KNTC1: variants seen among roughly 807,000 people sequenced by gnomAD.
The protein encoded by KNTC1 is kinetochore-associated protein 1.
A neutral mutation model predicts 314.4 loss-of-function variants in KNTC1; 253 were observed. The ratio of observed to expected loss-of-function variants is 0.80; its 90% CI spans 0.73 to 0.89. KNTC1 has a LOEUF of 0.89. Among genes scored for constraint, KNTC1 ranks in the 40% least tolerant of loss-of-function variants. The pLI, the probability that KNTC1 is intolerant of heterozygous loss-of-function variation, is 0.00. For missense variants in KNTC1, 2,475 were observed against 2,572.9 expected, an observed-to-expected ratio of 0.96 and a Z score of 0.82; for synonymous variants, 901 against 901.4, an observed-to-expected ratio of 1.00 and a Z score of 0.01.
At chr12:122,609,780 C>T (rs944826674) in intron 52 of KNTC1, among the ~76,000 whole-genome samples, 1 of 152,108 alleles carries the variant, frequency 6.6e-6, no homozygotes, top group African/African-American at 2.4e-5. Context: ...AGATATGGGC[C>T]ACCAGATTCT....
chr12:122,562,739 G>C, intron 20 of KNTC1, 40 bp downstream of exon 20: 1 of 1,215,978 alleles, frequency 8.2e-7, no homozygotes, highest in Non-Finnish European at 1.2e-6. Flanking sequence ...GCCAGGCATG[G>C]TGTCTCACGC....
chr12:122,575,569 C>A lies in KNTC1; in HGVS notation c.2409C>A (p.Ile803=), dbSNP rs764591565. Residue 803 remains isoleucine (I), a synonymous_variant, in exon 28 of 64, where the codon ATC becomes ATA. Coordinates refer to ENST00000333479, the MANE Select transcript of KNTC1 (RefSeq NM_014708.6). ...TDLIFDAVLK[I]MYAAVVPWSA... is the part of the protein sequence containing the mutation. ...TCATATTTGATGCCGTGCTCAAGATCATGTATGCGGCAGTGGTTCCTTGGA... is the reference window on the plus strand; with the variant it reads ...TCATATTTGATGCCGTGCTCAAGATAATGTATGCGGCAGTGGTTCCTTGGA... The A allele has an allele frequency of 1.4e-5, 23 of 1,595,336 alleles. No individual in the cohort carries two copies. The highest frequency in any genetic ancestry group is 2.0e-5 in the Non-Finnish European group (23 of 1,170,614).
At chr12:122,540,418 C>T (rs1156792498) in intron 5 of KNTC1, among the ~76,000 whole-genome samples, 1 of 151,842 alleles carries the variant, frequency 6.6e-6, no homozygotes. Flanking sequence ...GTGATCTGCC[C>T]GCCTCAGGTG....
chr12:122,618,421 G>T lies in KNTC1; in HGVS notation c.6085+24G>T, dbSNP rs145699814. ...AGGTATTTCGCTCTCTGAAACATTG[G>T]CTACAGCATTTTATAGTTGAGTGTG... On this transcript the variant is annotated intron_variant, in intron 58 of 63. Coordinates refer to ENST00000333479, the MANE Select transcript of KNTC1 (RefSeq NM_014708.6). 1.5e-3 allele frequency: 2,489 copies of T among 1,613,268 alleles called. 32 individuals carry two copies. In the African/African-American group the frequency reaches 0.029, roughly 19 times the overall value.
chr12:122,548,696 G>T (rs911674909), intron 12 of KNTC1, among the ~76,000 whole-genome samples: 1 of 152,024 alleles, frequency 6.6e-6, no homozygotes, highest in African/African-American at 2.4e-5. Context: ...AGCTGGGTGC[G>T]TTGGCTCACA....
At chr12:122,592,367 G>A (rs1359504472) in intron 42 of KNTC1, among the ~76,000 whole-genome samples, 2 of 152,206 alleles carry the variant, frequency 1.3e-5, no homozygotes, top group Non-Finnish European at 2.9e-5. Context: ...CATGCTCCAC[G>A]GCGCCCAGTC....
At position 122,594,374 on chromosome 12, in the gene KNTC1, G is replaced by A. The variant is rs1234445758; in HGVS notation, c.4344G>A (p.Leu1448=). Residue 1448 remains leucine (L), a synonymous_variant, in exon 43 of 64, where the codon TTG becomes TTA. Transcript: ENST00000333479. ...TAGATATGGACACAAGCCTCATTTT[G>A]GAATATTGCAGGTAATTCTTTAAAC... is the stretch of plus-strand genomic sequence containing the variant. ...ENIDMDTSLI[L]EYCSTFQLDC... is the part of the protein sequence containing the mutation. 2.6e-6 allele frequency: 4 copies of A among 1,563,546 alleles called. No homozygotes were observed. In the South Asian group the frequency reaches 3.4e-5, roughly 13 times the overall value.
At chr12:122,574,936 A>G (rs1157278962) in intron 27 of KNTC1, among the ~76,000 whole-genome samples, 4 of 152,208 alleles carry the variant, frequency 2.6e-5, no homozygotes, top group Non-Finnish European at 4.4e-5. Flanking sequence ...CCACTATAAA[A>G]TAGAAATAAA....
chr12:122,570,550 A>T (rs1330503550), intron 22 of KNTC1, among the ~76,000 whole-genome samples: 1 of 151,882 alleles, frequency 6.6e-6, no homozygotes, highest in East Asian at 1.9e-4. Flanking sequence ...ATACTATTTG[A>T]TTATACAAGA....
In KNTC1 at chr12:122,584,458, T is replaced by C; in HGVS notation, c.3436+8T>C. 6.3e-7 allele frequency: 1 copy of C among 1,586,874 alleles called. No individual in the cohort carries two copies. Among genetic ancestry groups the C allele is most frequent in the African/African-American group, 1.4e-5 (1 of 74,024 alleles). On this transcript the variant is annotated splice_region_variant and intron_variant, in intron 35 of 63. Coordinates refer to ENST00000333479, the MANE Select transcript of KNTC1 (RefSeq NM_014708.6). The stretch of plus-strand genomic sequence containing the variant: ...CCACCATTTGCAGTCCAGGTGACAA[T>C]ATTTATAATATACGTAGTTTTATAT...
At position 122,534,687 on chromosome 12, in the gene KNTC1, G is replaced by T; in HGVS notation, c.153G>T (p.Gln51His). ...SEKASLNPKI[Q>H]ACSLSDGFII... ...AGGCCTCATTAAATCCAAAGATACA[G>T]GCATGCAGCTTAAGTGATGGGTTTA... The change falls in exon 3 of 64, where the codon CAG becomes CAT. Residue 51 changes from glutamine (Q) to histidine (H), a missense_variant. Transcript: ENST00000333479. 1 of 1,609,864 alleles carries T rather than the reference G, an allele frequency of 6.2e-7. No homozygotes were observed. The highest frequency in any genetic ancestry group is 1.1e-5 in the South Asian group (1 of 90,474).
chr12:122,583,494 G>A (rs1868742503), intron 34 of KNTC1, among the ~76,000 whole-genome samples: 1 of 152,152 alleles, frequency 6.6e-6, no homozygotes, highest in Non-Finnish European at 1.5e-5. Context: ...TTAGGTTACT[G>A]TGCACTTCAG....
At chr12:122,568,504 G>A (rs1964485752) in intron 21 of KNTC1, 132 bp downstream of exon 21, 6 of 717,546 alleles carry the variant, frequency 8.4e-6, no homozygotes, top group Non-Finnish European at 1.5e-5. Context: ...CTTAAAATAT[G>A]ACTTGCTTTT....
chr12:122,595,024 C>T (rs1870842348), intron 43 of KNTC1, among the ~76,000 whole-genome samples: 1 of 152,108 alleles, frequency 6.6e-6, no homozygotes, highest in South Asian at 2.1e-4. Flanking sequence ...TACAGGCATG[C>T]ACCACCACGC....
chr12:122,567,815 G>T (rs571326281), intron 20 of KNTC1, among the ~76,000 whole-genome samples: 1 of 152,192 alleles, frequency 6.6e-6, no homozygotes, highest in Admixed American at 6.5e-5. Flanking sequence ...TGCAGCCTGG[G>T]TGACAGTGAG....
chr12:122,557,390 T>A lies in KNTC1; in HGVS notation c.1279T>A (p.Tyr427Asn). 1 of 1,612,256 alleles carries A rather than the reference T, an allele frequency of 6.2e-7. No homozygotes were observed. The highest frequency in any genetic ancestry group is 8.5e-7 in the Non-Finnish European group (1 of 1,179,104). Residue 427 changes from tyrosine to asparagine, a missense_variant, in exon 17 of 64, where the codon TAC becomes AAC. Transcript: ENST00000333479. ...TGGCGTGTTTATATTACAGCTTGTTTACAAGGTCAAGTCAAATCATATATT... is the reference window on the plus strand; with the variant it reads ...TGGCGTGTTTATATTACAGCTTGTTAACAAGGTCAAGTCAAATCATATATT... ...IQFGLDVELV[Y>N]KVKSNHILEK...
intron 37 of KNTC1, among the ~76,000 whole-genome samples, 172 bp from the exon 38 acceptor site, chr12:122,586,529 A>G (rs1291467866): frequency 6.6e-6 from 1 of 152,160 alleles, no homozygotes; most frequent in Non-Finnish European, 1.5e-5. Flanking sequence ...AAATATTTAC[A>G]CATCTGTGAG....
intron 31 of KNTC1, among the ~76,000 whole-genome samples, 151 bp downstream of exon 31, chr12:122,577,942 A>G (rs11058796): frequency 0.2 from 30,466 of 152,114 alleles, 3,516 homozygotes; most frequent in East Asian, 0.46. Context: ...ATTTACTACT[A>G]GGAGAAAAAA....
At chr12:122,560,144 A>G (rs758344425) in intron 18 of KNTC1, among the ~76,000 whole-genome samples, 1 of 152,204 alleles carries the variant, frequency 6.6e-6, no homozygotes, top group Non-Finnish European at 1.5e-5. Context: ...TTCACTTAGC[A>G]TAATATCCTC....
Sources: allele counts gnomAD v4.1 joint callset (sites outside exome capture counted in the v4.1 genomes callset), GRCh38; gene constraint gnomAD v4.1.1; transcripts MANE v1.5; gene names NCBI Gene and HGNC (gene_info 2026-07-23, HGNC 2026-07-21).